METTL15: variants seen among roughly 807,000 people sequenced by gnomAD.
METTL15 encodes the protein 12S rRNA N(4)-cytidine methyltransferase METTL15.
Under a neutral mutation model 38.3 loss-of-function variants are expected in METTL15, and 34 were observed. The ratio of observed to expected loss-of-function variants is 0.89; its 90% CI spans 0.68 to 1.18. The LOEUF (loss-of-function observed/expected upper bound fraction) is 1.18, where lower values mean the gene tolerates loss of function less well. Ranked by LOEUF, METTL15 falls within the 50% of genes most tolerant of loss-of-function variation. The pLI, the probability that METTL15 is intolerant of heterozygous loss-of-function variation, is 0.00. For synonymous variants in METTL15, 162 were observed against 170.9 expected (o/e 0.95, Z 0.41); for missense variants, 438 against 498.4 (o/e 0.88, Z 1.15).
intron 3 of METTL15, chr11:28,197,501 A>G (rs1459268953): frequency 6.6e-6 from 3 of 452,062 alleles, no homozygotes; most frequent in Non-Finnish European, 1.4e-5. Flanking sequence ...GTGGACTAGG[A>G]TGGTGTATTT....
At chr11:28,237,178 A>G (rs1179176681) in intron 4 of METTL15, among the ~76,000 whole-genome samples, 1 of 152,086 alleles carries the variant, frequency 6.6e-6, no homozygotes, top group African/African-American at 2.4e-5. Flanking sequence ...GTTCTCCTGG[A>G]TAATATCCTG....
At chr11:28,263,429 A>G (rs867709286) in intron 4 of METTL15, among the ~76,000 whole-genome samples, 1 of 152,220 alleles carries the variant, frequency 6.6e-6, no homozygotes, top group Middle Eastern at 3.4e-3. Flanking sequence ...ATCAGAGAGA[A>G]AATCGGTTAA....
intron 6 of METTL15, among the ~76,000 whole-genome samples, chr11:28,485,770 G>T (rs140006315): frequency 3.9e-5 from 6 of 152,124 alleles, no homozygotes; most frequent in Non-Finnish European, 7.3e-5. Context: ...TACACAACAG[G>T]TGCTTATTTC....
intron 6 of METTL15, among the ~76,000 whole-genome samples, chr11:28,329,388 G>T (rs1488278680): frequency 1.3e-5 from 2 of 152,038 alleles, no homozygotes; most frequent in East Asian, 1.9e-4. Context: ...TGTAAGTCCT[G>T]CTACTTTATT....
intron 3 of METTL15, among the ~76,000 whole-genome samples, chr11:28,340,170 T>TTTTAAAAATGATTC (rs1306776163): frequency 6.6e-6 from 1 of 152,110 alleles, no homozygotes; most frequent in Non-Finnish European, 1.5e-5. Flanking sequence ...TTTTAAATCA[T>TTTTAAAAATGATTC]TTTAAAAATG....
intron 3 of METTL15, among the ~76,000 whole-genome samples, chr11:28,186,316 AT>A (rs1851491630): frequency 6.6e-6 from 1 of 151,332 alleles, no homozygotes. Flanking sequence ...AACCTATATA[AT>A]GGGATTTTGT....
intron 3 of METTL15, among the ~76,000 whole-genome samples, chr11:28,117,030 A>C (rs1351676049): frequency 2.0e-5 from 3 of 152,172 alleles, no homozygotes; most frequent in Non-Finnish European, 4.4e-5. Context: ...AATGTAAATT[A>C]AAATATTAAA....
intron 6 of METTL15, among the ~76,000 whole-genome samples, chr11:28,480,961 G>C (rs1851390220): frequency 1.3e-5 from 2 of 152,178 alleles, no homozygotes; most frequent in Non-Finnish European, 2.9e-5. Flanking sequence ...CATATGGGGA[G>C]AGCAAGGTTT....
chr11:28,165,835 T>G (rs1850639662), intron 3 of METTL15, among the ~76,000 whole-genome samples: 3 of 152,140 alleles, frequency 2.0e-5, no homozygotes, highest in Admixed American at 6.6e-5. Context: ...TTGCATATAG[T>G]CTCAGATAAA....
chr11:28,309,477 T>C lies in METTL15; in HGVS notation c.778+12546T>C, dbSNP rs186677161. Among the ~76,000 whole-genome samples the C allele has an allele frequency of 2.0e-5, 3 of 152,312 alleles. No individual in the cohort carries two copies. In the East Asian group the frequency reaches 5.8e-4, roughly 29 times the overall value. ...TTCATCTTTACTAACATGGGTACCT[T>C]TCACTTTGCATTTTTAATTATTACC... is the stretch of plus-strand genomic sequence containing the variant. On this transcript the variant is annotated intron_variant, in intron 6 of 6. Coordinates refer to ENST00000407364, the MANE Select transcript of METTL15 (RefSeq NM_001113528.2).
intron 5 of METTL15, among the ~76,000 whole-genome samples, chr11:28,395,876 C>T (rs1377944973): frequency 4.6e-5 from 7 of 152,122 alleles, no homozygotes; most frequent in Non-Finnish European, 1.0e-4. Context: ...AATCCAGCAG[C>T]ACATCAAAAA....
intron 4 of METTL15, among the ~76,000 whole-genome samples, chr11:28,266,533 C>T (rs552431768): frequency 5.3e-5 from 8 of 152,272 alleles, no homozygotes; most frequent in African/African-American, 1.7e-4. Context: ...ACTTATCTAC[C>T]GCTTTTCTCA....
intron 6 of METTL15, among the ~76,000 whole-genome samples, chr11:28,448,608 A>G (rs1851094108): frequency 6.6e-6 from 1 of 151,910 alleles, no homozygotes; most frequent in African/African-American, 2.4e-5. Context: ...TTTTTCTCTG[A>G]TTTTGTTTTC....
intron 6 of METTL15, among the ~76,000 whole-genome samples, chr11:28,441,317 G>C (rs1031398220): frequency 1.3e-5 from 2 of 151,914 alleles, no homozygotes; most frequent in East Asian, 3.9e-4. Context: ...GATAGATTAG[G>C]TTAAATATGT....
chr11:28,455,216 CTTTTTTTTTTTTT>C (rs34686157), intron 6 of METTL15, among the ~76,000 whole-genome samples: 1 of 85,834 alleles, frequency 1.2e-5, no homozygotes, highest in South Asian at 4.2e-4. Context: ...GATCAGCTAG[CTTTTTTTTTTTTT>C]TTTTTTTTTT....
intron 4 of METTL15, among the ~76,000 whole-genome samples, chr11:28,236,430 C>G (rs1399760493): frequency 6.6e-6 from 1 of 152,142 alleles, no homozygotes; most frequent in Non-Finnish European, 1.5e-5. Flanking sequence ...ATGAATCCAT[C>G]TGGTCCTGGA....
At chr11:28,215,079 A>G (rs897090935) in intron 4 of METTL15, among the ~76,000 whole-genome samples, 2 of 152,184 alleles carry the variant, frequency 1.3e-5, no homozygotes, top group Non-Finnish European at 2.9e-5. Flanking sequence ...TCAATAAAGT[A>G]TGGAGAGCAT....
Position 28,330,649 on chromosome 11 carries a change from A to C in METTL15, c.1032A>C (p.Leu344=), listed in dbSNP as rs1849788114. 6.4e-7 allele frequency: 1 copy of C among 1,551,340 alleles called. No individual in the cohort carries two copies. The highest frequency in any genetic ancestry group is 8.7e-7 in the Non-Finnish European group (1 of 1,146,796). ...TAAGCATGACAGAAAGATTTAACCT[A>C]AGTGTTAGACAACAAGTGATGAAAA... ...LGISMTERFN[L]SVRQQVMKTS... The change falls in exon 7 of 7, where the codon CTA becomes CTC. Residue 344 remains leucine, a synonymous_variant. Coordinates refer to ENST00000407364, the MANE Select transcript of METTL15 (RefSeq NM_001113528.2).
chr11:28,524,121 A>T (rs924550490), intron 6 of METTL15, among the ~76,000 whole-genome samples: 4 of 152,260 alleles, frequency 2.6e-5, no homozygotes, highest in Non-Finnish European at 5.9e-5. Flanking sequence ...TTTTACCAAG[A>T]TGTTACTAGG....
Sources: gnomAD v4.1 joint callset for allele counts (sites outside exome capture counted in the v4.1 genomes callset) on GRCh38, gnomAD v4.1.1 for gene constraint, MANE v1.5 for transcripts, NCBI Gene and HGNC (gene_info 2026-07-23, HGNC 2026-07-21) for gene names.